Variants in OTUD7A observed in about 807,000 individuals in gnomAD.
The protein encoded by OTUD7A is OTU domain-containing protein 7A.
A neutral mutation model predicts 65.7 loss-of-function variants in OTUD7A; 12 were observed. The ratio of observed to expected loss-of-function variants is 0.18; its 90% confidence interval spans 0.12 to 0.30. The LOEUF is 0.30. Among genes scored for constraint, OTUD7A ranks in the 10% least tolerant of loss-of-function variants. OTUD7A has a pLI of 1.00. For missense variants in OTUD7A, 1,148 were observed against 1,304.8 expected (o/e 0.88, Z 1.85); for synonymous variants, 641 against 586.3 (o/e 1.09, Z -1.35).
chr15:31,704,656 T>C (rs867808498), intron 1 of OTUD7A, among the ~76,000 whole-genome samples: 9 of 151,802 alleles, frequency 5.9e-5, no homozygotes, highest in African/African-American at 2.2e-4. Flanking sequence ...AATTCAGACA[T>C]ATAATGTCCC....
intron 1 of OTUD7A, among the ~76,000 whole-genome samples, chr15:31,868,657 C>T (rs958528788): frequency 6.6e-6 from 1 of 152,194 alleles, no homozygotes; most frequent in African/African-American, 2.4e-5. Flanking sequence ...AAGAATTACA[C>T]ACACTTGCTC....
chr15:31,632,376 T>A (rs1891194839), intron 3 of OTUD7A, among the ~76,000 whole-genome samples: 1 of 152,274 alleles, frequency 6.6e-6, no homozygotes, highest in African/African-American at 2.4e-5. Flanking sequence ...TTTGCCTCAG[T>A]ATCAGCAGCG....
intron 6 of OTUD7A, among the ~76,000 whole-genome samples, chr15:31,530,483 C>T (rs765416889): frequency 3.3e-5 from 5 of 152,202 alleles, no homozygotes; most frequent in East Asian, 1.9e-4. Flanking sequence ...CCTTCTATCA[C>T]GCCAGGTCTT....
At chr15:31,688,961 T>G (rs1892903628) in intron 1 of OTUD7A, among the ~76,000 whole-genome samples, 1 of 152,138 alleles carries the variant, frequency 6.6e-6, no homozygotes, top group Non-Finnish European at 1.5e-5. Flanking sequence ...AGATTAAAAT[T>G]GTATTATTGG....
chr15:31,507,422 T>C (rs2041594078), intron 8 of OTUD7A, among the ~76,000 whole-genome samples: 1 of 152,172 alleles, frequency 6.6e-6, no homozygotes, highest in Non-Finnish European at 1.5e-5. Context: ...GTTCCATTTA[T>C]TATAAGGTTG....
At chr15:31,545,623 T>G (rs1211162050) in intron 5 of OTUD7A, among the ~76,000 whole-genome samples, 1 of 152,036 alleles carries the variant, frequency 6.6e-6, no homozygotes, top group Admixed American at 6.6e-5. Flanking sequence ...AAAGAGGATA[T>G]GCAAATGGCC....
At chr15:31,570,486 C>CAT (rs1889018564) in intron 3 of OTUD7A, among the ~76,000 whole-genome samples, 1 of 146,978 alleles carries the variant, frequency 6.8e-6, no homozygotes, top group Non-Finnish European at 1.5e-5. Context: ...CACACACACA[C>CAT]ATCTAAACAC....
intron 1 of OTUD7A, among the ~76,000 whole-genome samples, chr15:31,786,116 C>T (rs944786376): frequency 6.6e-6 from 1 of 152,110 alleles, no homozygotes; most frequent in Non-Finnish European, 1.5e-5. Context: ...CGTGCGCCAC[C>T]TGGGGACTCT....
At chr15:31,722,444 A>C (rs1219480093) in intron 1 of OTUD7A, among the ~76,000 whole-genome samples, 1 of 152,232 alleles carries the variant, frequency 6.6e-6, no homozygotes, top group African/African-American at 2.4e-5. Context: ...CACCGACTCC[A>C]AACACTCTCA....
intron 3 of OTUD7A, among the ~76,000 whole-genome samples, chr15:31,643,418 C>T (rs916176601): frequency 6.6e-6 from 1 of 152,174 alleles, no homozygotes; most frequent in African/African-American, 2.4e-5. Flanking sequence ...GTTAATTCCA[C>T]TGAGTTACTT....
At chr15:31,867,632 G>GCACATTCACGCCATGACCAGGACACCAGC in intron 1 of OTUD7A, among the ~76,000 whole-genome samples, 2 of 152,282 alleles carry the variant, frequency 1.3e-5, no homozygotes, top group South Asian at 4.2e-4. Flanking sequence ...GCCCTGGCTG[G>GCACATTCACGCCATGACCAGGACACCAGC]CACATTCACG....
intron 1 of OTUD7A, among the ~76,000 whole-genome samples, chr15:31,718,905 G>GA (rs4041932): frequency 3.8e-4 from 54 of 141,726 alleles, no homozygotes; most frequent in African/African-American, 1.1e-3. Context: ...AAGTGATTAG[G>GA]AAAAAAAAAA....
At chr15:31,619,404 G>A (rs889255543) in intron 3 of OTUD7A, among the ~76,000 whole-genome samples, 1 of 152,206 alleles carries the variant, frequency 6.6e-6, no homozygotes, top group Non-Finnish European at 1.5e-5. Context: ...TCCTATCCAT[G>A]AGCATGGAAT....
chr15:31,484,861 C>T lies in OTUD7A; in HGVS notation c.1372-137G>A. ...CACTGTCCCAGTCCCCACTGTCGCT[C>T]TGGTGACTGTGACATCCGGATGGGC... On this transcript the variant is annotated intron_variant, in intron 12 of 12. Transcript: ENST00000307050. The surrounding 1 kb of genome is among the most constrained non-coding windows in gnomAD (Gnocchi z 4.5). 4.2e-6 allele frequency: 6 copies of T among 1,424,832 alleles called. No individual in the cohort carries two copies. The highest frequency in any genetic ancestry group is 4.6e-6 in the Non-Finnish European group (5 of 1,081,602). 88.3% of individuals were successfully genotyped at this position (1,424,832 alleles called of 1,614,324 possible). A position where few individuals can be genotyped will look rare whatever the true frequency, so the allele number is the denominator to read the frequency against.
intron 1 of OTUD7A, among the ~76,000 whole-genome samples, chr15:31,827,669 G>A (rs1055084500): frequency 6.6e-6 from 1 of 152,162 alleles, no homozygotes; most frequent in African/African-American, 2.4e-5. Context: ...GCTCATGCCT[G>A]TAATCCCAGC....
chr15:31,837,332 G>A (rs1344965945), intron 1 of OTUD7A, among the ~76,000 whole-genome samples: 1 of 147,210 alleles, frequency 6.8e-6, no homozygotes, highest in African/African-American at 2.5e-5. Context: ...TTCGAGACCA[G>A]CCTGGCCAAC....
chr15:31,616,253 G>A (rs1001880343), intron 3 of OTUD7A, among the ~76,000 whole-genome samples: 4 of 152,118 alleles, frequency 2.6e-5, no homozygotes, highest in East Asian at 1.9e-4. Context: ...GTAATAAACC[G>A]TCTGCATCTA....
Position 31,761,818 on chromosome 15 carries a change from A to T in OTUD7A, c.-99-104741T>A, listed in dbSNP as rs112743779. 8.1e-4 allele frequency among the ~76,000 whole-genome samples: 124 copies of T among 152,356 alleles called. 1 individual carries two copies. The highest frequency in any genetic ancestry group is 6.8e-3 in the Middle Eastern group (2 of 294). ...GATATATCCATACAATTGAATATCA[A>T]TCAGCAATGAAAAGGAAGGAAGTAC... On this transcript the variant is annotated intron_variant, in intron 1 of 12. Coordinates refer to ENST00000307050, the MANE Select transcript of OTUD7A (RefSeq NM_001382637.1).
At chr15:31,578,654 C>G (rs1462157029) in intron 3 of OTUD7A, among the ~76,000 whole-genome samples, 1 of 151,970 alleles carries the variant, frequency 6.6e-6, no homozygotes, top group Admixed American at 6.6e-5. Context: ...CAGGTTCAAG[C>G]AATTCTCCTG....
Sources: allele counts gnomAD v4.1 joint callset (sites outside exome capture counted in the v4.1 genomes callset), GRCh38; gene constraint gnomAD v4.1.1; non-coding constraint Gnocchi (gnomAD v3.1); transcripts MANE v1.5; gene names NCBI Gene and HGNC (gene_info 2026-07-23, HGNC 2026-07-21).